The following COPS8 variants were observed in gnomAD, a reference collection of about 807,000 sequenced individuals.
COPS8 encodes the protein COP9 signalosome complex subunit 8.
COPS8 carries 11 observed loss-of-function variants against 31.5 expected under a neutral mutation model. The ratio of observed to expected loss-of-function variants is 0.35; its 90% CI spans 0.22 to 0.58. COPS8 has a LOEUF of 0.58. Among genes scored for constraint, COPS8 ranks in the 20% least tolerant of loss-of-function variants. COPS8 has a pLI of 0.83. For missense variants in COPS8, 215 were observed against 255.1 expected, an observed-to-expected ratio of 0.84 and a Z score of 1.07; for synonymous variants, 81 against 89.3, an observed-to-expected ratio of 0.91 and a Z score of 0.52.
chr2:237,095,671 C>A, intron 5 of COPS8, 151 bp from the exon 6 acceptor site: 1 of 582,176 alleles, frequency 1.7e-6, no homozygotes. Flanking sequence ...AGTTTCCATG[C>A]TCTTTGTAAT....
chr2:237,085,929 T>C lies in COPS8; in HGVS notation c.-36T>C. The C allele has an allele frequency of 2.5e-6, 4 of 1,601,730 alleles. No individual in the cohort carries two copies. The highest frequency in any genetic ancestry group is 3.4e-6 in the Non-Finnish European group (4 of 1,172,642). ...CCTGAGGGACAGTCTGGGGTTTGGC[T>C]GTCCGGACGGTGCAGCGGCGAGGCC... On this transcript the variant is annotated 5_prime_UTR_variant, in exon 1 of 8. Coordinates refer to ENST00000354371, the MANE Select transcript of COPS8 (RefSeq NM_006710.5).
chr2:237,086,820 T>C, intron 1 of COPS8: 2 of 703,174 alleles, frequency 2.8e-6, no homozygotes, highest in Non-Finnish European at 3.6e-6. Flanking sequence ...AATGGGAATT[T>C]GAGAACTGGG....
intron 6 of COPS8, 35 bp downstream of exon 6, chr2:237,095,919 G>A (rs756433161): frequency 5.4e-6 from 8 of 1,475,830 alleles, no homozygotes; most frequent in African/African-American, 1.4e-5. Context: ...CGCAGCACTG[G>A]ACTCTTCTAA....
At position 237,085,998 on chromosome 2, in the gene COPS8, A is replaced by G; in HGVS notation, c.34A>G (p.Ser12Gly). 1 of 1,613,524 alleles carries G rather than the reference A, an allele frequency of 6.2e-7. No homozygotes were observed. The highest frequency in any genetic ancestry group is 8.5e-7 in the Non-Finnish European group (1 of 1,179,690). ...GGCGGTGATGGCGGAAAGCGCCTTT[A>G]GTTTCAAAAAGTTGCTGGATCAGTG... ...PVAVMAESAF[S>G]FKKLLDQCEN... Residue 12 changes from serine to glycine, a missense_variant, in exon 1 of 8, where the codon AGT (serine) becomes GGT (glycine). By Grantham distance (56) the Ser-to-Gly change is moderately conservative. Transcript: ENST00000354371.
intron 7 of COPS8, 107 bp downstream of exon 7, chr2:237,096,976 T>G (rs1574839479): frequency 1.3e-6 from 1 of 787,422 alleles, no homozygotes; most frequent in East Asian, 2.5e-5. Flanking sequence ...TTTCTTACCT[T>G]GTAAACAGAG....
intron 4 of COPS8, 171 bp from the exon 5 acceptor site, chr2:237,093,919 A>AC (rs1199187049): frequency 6.4e-6 from 8 of 1,245,654 alleles, no homozygotes; most frequent in African/African-American, 3.1e-5. Context: ...CAATATTTGA[A>AC]CCCCCCGTAC....
intron 7 of COPS8, 100 bp downstream of exon 7, chr2:237,096,969 C>T: frequency 1.2e-6 from 1 of 820,820 alleles, no homozygotes; most frequent in Non-Finnish European, 2.0e-6. Context: ...GTATCTATTT[C>T]TTACCTTGTA....
At chr2:237,096,297 C>G (rs1696799867) in intron 6 of COPS8, among the ~76,000 whole-genome samples, 1 of 152,202 alleles carries the variant, frequency 6.6e-6, no homozygotes, top group Non-Finnish European at 1.5e-5. Context: ...TCCACTTTCA[C>G]AGAGTTAACT....
intron 4 of COPS8, chr2:237,093,844 T>C: frequency 8.8e-7 from 1 of 1,140,816 alleles, no homozygotes; most frequent in Non-Finnish European, 1.1e-6. Context: ...TTTTCCATCT[T>C]TGTAATTTTC....
At chr2:237,087,950 T>C (rs1340699361) in intron 2 of COPS8, among the ~76,000 whole-genome samples, 1 of 124,792 alleles carries the variant, frequency 8.0e-6, no homozygotes. Flanking sequence ...AAAGCATAAC[T>C]GCAAAAAAAA....
intron 5 of COPS8, 93 bp from the exon 6 acceptor site, chr2:237,095,729 A>G: frequency 1.3e-6 from 1 of 793,772 alleles, no homozygotes; most frequent in Non-Finnish European, 2.2e-6. Flanking sequence ...TAAACACATC[A>G]GGTCTTCTGT....
At position 237,094,208 on chromosome 2, in the gene COPS8, C is replaced by G. The variant is rs373998005; in HGVS notation, c.439+11C>G. 17 of 1,611,690 alleles carry G rather than the reference C, an allele frequency of 1.1e-5. No individual in the cohort carries two copies. The Admixed American group carries it at 1.2e-4, about 11-fold the overall frequency. On this transcript the variant is annotated intron_variant, in intron 5 of 7. Transcript: ENST00000354371. Reference sequence around the variant, plus strand: ...AAGAGGCTGTGAAAGGTAATTTTGGCTTACTTTTTACTTATAAGGAAAATG... The same window carrying G: ...AAGAGGCTGTGAAAGGTAATTTTGGGTTACTTTTTACTTATAAGGAAAATG...
intron 5 of COPS8, among the ~76,000 whole-genome samples, chr2:237,095,367 C>T (rs1326810356): frequency 6.6e-6 from 1 of 152,122 alleles, no homozygotes; most frequent in Non-Finnish European, 1.5e-5. Context: ...TATCCCACTT[C>T]ATAGAGTTGT....
intron 7 of COPS8, among the ~76,000 whole-genome samples, chr2:237,097,224 C>CTTTTTTTTTTTTT (rs996251270): frequency 2.1e-5 from 2 of 95,980 alleles, no homozygotes; most frequent in Non-Finnish European, 4.4e-5. Flanking sequence ...TGTGGGTTTT[C>CTTTTTTTTTTTTT]TTTTTTTTTT....
At chr2:237,096,246 T>C (rs1696798993) in intron 6 of COPS8, among the ~76,000 whole-genome samples, 1 of 152,194 alleles carries the variant, frequency 6.6e-6, no homozygotes, top group Non-Finnish European at 1.5e-5. Flanking sequence ...GCCCCCCTTT[T>C]CTGTTTGCAC....
At chr2:237,096,532 C>A in intron 6 of COPS8, 1 of 414,842 alleles carries the variant, frequency 2.4e-6, no homozygotes, top group South Asian at 3.0e-5. Context: ...GCCCAAATTT[C>A]CTTCCACCTA....
intron 5 of COPS8, among the ~76,000 whole-genome samples, chr2:237,095,365 T>C (rs1384868879): frequency 6.6e-6 from 1 of 152,140 alleles, no homozygotes; most frequent in African/African-American, 2.4e-5. Flanking sequence ...TATATCCCAC[T>C]TCATAGAGTT....
chr2:237,092,988 G>T (rs1221724421), intron 4 of COPS8, among the ~76,000 whole-genome samples: 1 of 152,178 alleles, frequency 6.6e-6, no homozygotes, highest in Non-Finnish European at 1.5e-5. Context: ...AAAAGAAGGG[G>T]ATAGGTGGAA....
intron 3 of COPS8, 67 bp downstream of exon 3, chr2:237,088,720 A>G: frequency 9.8e-7 from 1 of 1,020,616 alleles, no homozygotes; most frequent in Non-Finnish European, 1.5e-6. Flanking sequence ...GCAACCTTTT[A>G]TAAGCTTATG....
Sources: allele counts gnomAD v4.1 joint callset (sites outside exome capture counted in the v4.1 genomes callset), GRCh38; gene constraint gnomAD v4.1.1; transcripts MANE v1.5; gene names NCBI Gene and HGNC (gene_info 2026-07-23, HGNC 2026-07-21).